The following CANX variants were observed in gnomAD, a reference collection of about 807,000 sequenced individuals.
CANX encodes the protein calnexin.
Under a neutral mutation model 75.7 loss-of-function variants are expected in CANX, and 14 were observed. The observed-to-expected ratio is 0.19, with a 90% CI of 0.12 to 0.29. The LOEUF (loss-of-function observed/expected upper bound fraction) is 0.29. Among genes scored for constraint, CANX ranks in the 10% least tolerant of loss-of-function variants. CANX has a pLI of 1.00. For synonymous variants in CANX, 227 were observed against 236.9 expected (o/e 0.96, Z 0.38); for missense variants, 567 against 713.2 (o/e 0.79, Z 2.34).
At position 179,728,876 on chromosome 5, in the gene CANX, G is replaced by T; in HGVS notation, c.*232G>T. ...TAGAAAAGAAAACATTTAACATAAT[G>T]GTTGTGAAATGTAACATGAAGCAAA... On this transcript the variant is annotated 3_prime_UTR_variant, in exon 15 of 15. Transcript: ENST00000247461. 14 of 576,872 alleles carry T rather than the reference G, an allele frequency of 2.4e-5. No individual in the cohort carries two copies. Among genetic ancestry groups the T allele is most frequent in the South Asian group, 3.6e-5 (2 of 56,308 alleles). The allele number at this position is 576,872 out of a possible 1,614,324, so 35.7% of individuals were successfully genotyped here.
chr5:179,720,031 G>A lies in CANX; in HGVS notation c.1025+250G>A, dbSNP rs552204908. Among the ~76,000 whole-genome samples the A allele has an allele frequency of 5.9e-5, 9 of 151,762 alleles. No individual in the cohort carries two copies. In the South Asian group the frequency reaches 1.7e-3, roughly 28 times the overall value. ...TTTTTAGTAGAGACGGACTTTCACCGTGTTGGCCAGGCTGGTCTCAAAGTC... is the reference window on the plus strand; with the variant it reads ...TTTTTAGTAGAGACGGACTTTCACCATGTTGGCCAGGCTGGTCTCAAAGTC... On this transcript the variant is annotated intron_variant, in intron 9 of 14. Transcript: ENST00000247461.
At chr5:179,720,329 A>C in intron 9 of CANX, 75 bp from the exon 10 acceptor site, 1 of 1,125,612 alleles carries the variant, frequency 8.9e-7, no homozygotes, top group African/African-American at 1.5e-5. Context: ...GGATCTTGGC[A>C]GCCCTGGGCC....
chr5:179,696,246 T>C (rs573791450), upstream of CANX, among the ~76,000 whole-genome samples: 12 of 149,722 alleles, frequency 8.0e-5, no homozygotes, highest in Admixed American at 6.7e-4. Context: ...ATCATATGCA[T>C]GTTTAAAGAA....
intron 8 of CANX, among the ~76,000 whole-genome samples, chr5:179,717,915 C>A (rs56309143): frequency 0.23 from 35,181 of 151,748 alleles, 4,572 homozygotes; most frequent in Non-Finnish European, 0.3. Context: ...GGGGTTTTAC[C>A]ATGTTGGTCA....
upstream of CANX, chr5:179,698,500 T>C: frequency 7.8e-7 from 1 of 1,289,376 alleles, no homozygotes; most frequent in South Asian, 1.2e-5. Flanking sequence ...GGGCCCTTCC[T>C]GATGGCCGAT....
chr5:179,713,670 G>A (rs150445852), intron 7 of CANX, among the ~76,000 whole-genome samples: 1,607 of 152,208 alleles, frequency 0.011, 10 homozygotes, highest in Non-Finnish European at 0.016. Flanking sequence ...TAATCCCTGC[G>A]CTTTTGGGAG....
intron 1 of CANX, chr5:179,681,104 C>G: frequency 1.7e-6 from 1 of 583,360 alleles, no homozygotes; most frequent in Non-Finnish European, 3.1e-6. Context: ...GCCAGGCCAC[C>G]CCAGGACAAG....
chr5:179,709,696 A>G (rs1777395243), intron 6 of CANX, 177 bp from the exon 7 acceptor site: 1 of 478,348 alleles, frequency 2.1e-6, no homozygotes, highest in African/African-American at 2.0e-5. Context: ...GTTATTTTAA[A>G]TTTACTGATG....
rs1372528481 is a variant in CANX at position 179,731,153 on chromosome 5, C to T, written c.*2509C>T. 6.6e-6 allele frequency among the ~76,000 whole-genome samples: 1 copy of T among 152,150 alleles called. No homozygotes were observed. Among genetic ancestry groups the T allele is most frequent in the African/African-American group, 2.4e-5 (1 of 41,420 alleles). On this transcript the variant is annotated 3_prime_UTR_variant, in exon 15 of 15. Transcript: ENST00000247461. ...CCATGTGATTGCGGTGCAGTAGTTT[C>T]TGTTGTATAATAGTGTGGACAGCAG...
chr5:179,717,868 A>G (rs1778060429), intron 8 of CANX, among the ~76,000 whole-genome samples: 1 of 151,600 alleles, frequency 6.6e-6, no homozygotes, highest in Non-Finnish European at 1.5e-5. Context: ...AGCGCATGCC[A>G]CCACACCCAG....
intron 14 of CANX, among the ~76,000 whole-genome samples, chr5:179,728,351 A>T (rs1231361978): frequency 6.6e-6 from 1 of 152,188 alleles, no homozygotes; most frequent in East Asian, 1.9e-4. Flanking sequence ...GAAAATGTTT[A>T]TGGGTTAGAT....
chr5:179,705,333 T>C lies in CANX; in HGVS notation c.-3-346T>C, dbSNP rs532412709. Among the ~76,000 whole-genome samples, 7 of 152,356 alleles carry C rather than the reference T, an allele frequency of 4.6e-5. No individual in the cohort carries two copies. In the South Asian group the frequency reaches 1.2e-3, roughly 27 times the overall value. On this transcript the variant is annotated intron_variant, in intron 1 of 14. Coordinates refer to ENST00000247461, the MANE Select transcript of CANX (RefSeq NM_001746.4). ...TTAACGGGTACCCCCTGTAAATTAG[T>C]GTATGAAAGGGCTTTTGTCTGTTGT...
Position 179,720,465 on chromosome 5 carries a change from G to A in CANX, c.1087G>A (p.Ala363Thr), listed in dbSNP as rs778023419. 5 of 1,613,874 alleles carry A rather than the reference G, an allele frequency of 3.1e-6. No individual in the cohort carries two copies. Among genetic ancestry groups the A allele is most frequent in the Non-Finnish European group, 8.5e-7 (1 of 1,179,762 alleles). Reference protein sequence around the residue: ...PQIANPRCESAPGCGVWQRPV... With the variant: ...PQIANPRCESTPGCGVWQRPV... Reference sequence around the variant, plus strand: ...GATTGCCAACCCTAGATGTGAGTCAGCTCCTGGATGTGGTGTCTGGCAGCG... The same window carrying A: ...GATTGCCAACCCTAGATGTGAGTCAACTCCTGGATGTGGTGTCTGGCAGCG... The change falls in exon 10 of 15, where the codon GCT (alanine) becomes ACT (threonine). Residue 363 changes from alanine (A) to threonine (T), a missense_variant. Coordinates refer to ENST00000247461, the MANE Select transcript of CANX (RefSeq NM_001746.4).
chr5:179,708,223 T>C lies in CANX; in HGVS notation c.305-16T>C. ...GGTAGAGTTAAGCAGTGGAACTTTT[T>C]TGTGTTGTCTTGTAGGAAAGTGGGA... On this transcript the variant is annotated splice_polypyrimidine_tract_variant and intron_variant, in intron 4 of 14. Transcript: ENST00000247461. The C allele has an allele frequency of 1.2e-6, 2 of 1,612,252 alleles. No individual in the cohort carries two copies. Among genetic ancestry groups the C allele is most frequent in the Non-Finnish European group, 1.7e-6 (2 of 1,178,590 alleles).
At chr5:179,708,880 A>C (rs2113156380) in intron 5 of CANX, 98 bp from the exon 6 acceptor site, 1 of 668,058 alleles carries the variant, frequency 1.5e-6, no homozygotes, top group East Asian at 2.7e-5. Context: ...TTGACCTATG[A>C]TAAAACGTGA....
At chr5:179,715,713 A>G (rs904434343) in intron 7 of CANX, among the ~76,000 whole-genome samples, 32 of 152,166 alleles carry the variant, frequency 2.1e-4, no homozygotes, top group African/African-American at 7.5e-4. Context: ...AAATGAAGAA[A>G]TGGACCTTTT....
At chr5:179,694,459 C>G (rs1387380568), upstream of CANX, 13 of 706,462 alleles carry the variant, frequency 1.8e-5, no homozygotes, top group Non-Finnish European at 3.1e-5. Flanking sequence ...CCTAGTGCCC[C>G]CAAAAGGCCA....
At chr5:179,697,545 G>T (rs1296245041), upstream of CANX, among the ~76,000 whole-genome samples, 2 of 152,164 alleles carry the variant, frequency 1.3e-5, no homozygotes, top group Admixed American at 1.3e-4. Flanking sequence ...GTAGCATCCA[G>T]AATTTTATTC....
chr5:179,702,536 A>T (rs1242560951), intron 1 of CANX, among the ~76,000 whole-genome samples: 1 of 151,906 alleles, frequency 6.6e-6, no homozygotes, highest in African/African-American at 2.4e-5. Flanking sequence ...TTCCTTTTTG[A>T]GATTGAATAG....
Sources: gnomAD v4.1 joint callset for allele counts (sites outside exome capture counted in the v4.1 genomes callset) on GRCh38, gnomAD v4.1.1 for gene constraint, MANE v1.5 for transcripts, NCBI Gene and HGNC (gene_info 2026-07-23, HGNC 2026-07-21) for gene names.